The following SUPT5H variants were observed in gnomAD, a reference collection of about 807,000 sequenced individuals.
SUPT5H encodes the protein transcription elongation factor SPT5.
SUPT5H carries 24 observed loss-of-function variants against 142.5 expected under a neutral mutation model. The observed-to-expected ratio is 0.17, with a 90% CI of 0.12 to 0.24. The LOEUF (loss-of-function observed/expected upper bound fraction) is 0.24. SUPT5H is among the 10% of genes least tolerant of loss of function. SUPT5H has a pLI of 1.00. For missense variants in SUPT5H, 893 were observed against 1,471.8 expected, an observed-to-expected ratio of 0.61 and a Z score of 6.43; for synonymous variants, 546 against 553.0, an observed-to-expected ratio of 0.99 and a Z score of 0.18.
rs775612918 is a variant in SUPT5H at position 39,469,184 on chromosome 19, C to G, written c.1237+12C>G. The G allele has an allele frequency of 9.3e-6, 15 of 1,614,190 alleles. No homozygotes were observed. In the South Asian group the frequency reaches 1.6e-4, roughly 18 times the overall value. ...GACTGAGAGCACAGGTATTTGATCC[C>G]CCTCTATAACCTGGGCCAAGGAGCA... On this transcript the variant is annotated intron_variant, in intron 15 of 29. Transcript: ENST00000432763. The surrounding 1 kb of genome is among the most constrained non-coding windows in gnomAD (Gnocchi z 5.1).
At chr19:39,453,755 CGGGG>C (rs1568420032) in intron 3 of SUPT5H, among the ~76,000 whole-genome samples, 9 of 152,032 alleles carry the variant, frequency 5.9e-5, no homozygotes, top group Non-Finnish European at 1.3e-4. Flanking sequence ...TTAGTGGAGA[CGGGG>C]TTTCACCTTG....
rs1240206558 is a variant in SUPT5H at position 39,458,066 on chromosome 19, G to A, written c.308-228G>A. 16 of 784,276 alleles carry A rather than the reference G, an allele frequency of 2.0e-5. 1 individual carries two copies. Among genetic ancestry groups the A allele is most frequent in the Middle Eastern group, 3.8e-4 (1 of 2,642 alleles). 48.6% of individuals were successfully genotyped at this position (784,276 alleles called of 1,614,324 possible). On this transcript the variant is annotated intron_variant, in intron 4 of 29. Transcript: ENST00000432763. This position sits in a 1 kb window ranked among gnomAD's most constrained non-coding sequence, Gnocchi z 4.2. The stretch of plus-strand genomic sequence containing the variant: ...CCTGGGCCAGTGCCCCCCTTTCCCC[G>A]TTATTTTCCGTTCTGTGCGCCTCAT...
At position 39,470,609 on chromosome 19, in the gene SUPT5H, C is replaced by G. The variant is rs529787676; in HGVS notation, c.1677+86C>G. 9.1e-5 allele frequency: 129 copies of G among 1,418,924 alleles called. No homozygotes were observed. In the African/African-American group the frequency reaches 1.7e-3, roughly 19 times the overall value. The allele number at this position is 1,418,924 out of a possible 1,614,324, so 87.9% of individuals were successfully genotyped here. A position where few individuals can be genotyped will look rare whatever the true frequency, so the allele number is the denominator to read the frequency against. ...CCTCATCCTGGGAGGTGGCAGAGCC[C>G]CCAGACTGCTCTGGGTTGCAGATCT... On this transcript the variant is annotated intron_variant, in intron 18 of 29. Coordinates refer to ENST00000432763, the MANE Select transcript of SUPT5H (RefSeq NM_001111020.3). The surrounding 1 kb of genome is among the most constrained non-coding windows in gnomAD (Gnocchi z 5.8).
In SUPT5H at chr19:39,476,540, C is replaced by A; in HGVS notation, c.*141C>A. The stretch of plus-strand genomic sequence containing the variant: ...TTTGTTTTTCCTTTTAGTTTTCCAT[C>A]TTTTCCCTCCCTGGTGCTCATTGGA... On this transcript the variant is annotated 3_prime_UTR_variant, in exon 30 of 30. Coordinates refer to ENST00000432763, the MANE Select transcript of SUPT5H (RefSeq NM_001111020.3). 8.7e-7 allele frequency: 1 copy of A among 1,147,874 alleles called. No homozygotes were observed. Among genetic ancestry groups the A allele is most frequent in the Non-Finnish European group, 1.2e-6 (1 of 827,014 alleles). The allele number at this position is 1,147,874 out of a possible 1,614,324, so 71.1% of individuals were successfully genotyped here.
chr19:39,460,036 G>A, intron 10 of SUPT5H, 76 bp downstream of exon 10: 1 of 1,493,438 alleles, frequency 6.7e-7, no homozygotes, highest in Non-Finnish European at 9.3e-7. Context: ...AACTTCAGGG[G>A]TACCAGGTGC....
At chr19:39,450,856 C>T (rs1416125371) in intron 2 of SUPT5H, among the ~76,000 whole-genome samples, 1 of 152,130 alleles carries the variant, frequency 6.6e-6, no homozygotes, top group East Asian at 1.9e-4. Context: ...GGTGGGAGAA[C>T]AGGCCTTAGG....
chr19:39,476,606 C>T lies in SUPT5H; in HGVS notation c.*207C>T. The T allele has an allele frequency of 1.6e-6, 1 of 626,420 alleles. No individual in the cohort carries two copies. Among genetic ancestry groups the T allele is most frequent in the Non-Finnish European group, 2.7e-6 (1 of 367,242 alleles). The allele number at this position is 626,420 out of a possible 1,614,324, so 38.8% of individuals were successfully genotyped here. Reference sequence around the variant, plus strand: ...GGGGGAGGGTCCCCACCTTCCTGTACCTCCTCCCCACAGCTTGCTTTTGTT... The same window carrying T: ...GGGGGAGGGTCCCCACCTTCCTGTATCTCCTCCCCACAGCTTGCTTTTGTT... On this transcript the variant is annotated 3_prime_UTR_variant, in exon 30 of 30. Coordinates refer to ENST00000432763, the MANE Select transcript of SUPT5H (RefSeq NM_001111020.3).
rs746042365 is a variant in SUPT5H, at chr19:39,471,736, G to T, written c.1950+6G>T. ...TGCTGGCTGGGGGCTCAAAGGTGAG[G>T]TGGGCATGGCAGGACCCTGTGCGTT... On this transcript the variant is annotated splice_donor_region_variant and intron_variant, in intron 20 of 29. Transcript: ENST00000432763. The T allele has an allele frequency of 4.8e-5, 78 of 1,613,038 alleles. No individual in the cohort carries two copies. The highest frequency in any genetic ancestry group is 6.4e-5 in the Non-Finnish European group (76 of 1,179,538).
chr19:39,464,714 G>T lies in SUPT5H; in HGVS notation c.625-84G>T, dbSNP rs1006481053. ...GTTTCTGTGGAATAAATTCCTAGAA[G>T]AGGGACTGCTGATGAGTGGCAGTCA... On this transcript the variant is annotated intron_variant, in intron 10 of 29. Coordinates refer to ENST00000432763, the MANE Select transcript of SUPT5H (RefSeq NM_001111020.3). The T allele has an allele frequency of 5.3e-6, 8 of 1,508,602 alleles. No homozygotes were observed. In the African/African-American group the frequency reaches 5.6e-5, roughly 10 times the overall value. 93.5% of individuals were successfully genotyped at this position (1,508,602 alleles called of 1,614,324 possible). A position where few individuals can be genotyped will look rare whatever the true frequency, so the allele number is the denominator to read the frequency against.
intron 13 of SUPT5H, chr19:39,467,967 G>A (rs1054580550): frequency 6.6e-6 from 1 of 152,264 alleles, no homozygotes; most frequent in African/African-American, 2.4e-5. Context: ...CCCCCAGCAA[G>A]CCAGCTGACC....
intron 2 of SUPT5H, among the ~76,000 whole-genome samples, chr19:39,447,123 A>C (rs978232727): frequency 6.6e-6 from 1 of 152,184 alleles, no homozygotes; most frequent in Non-Finnish European, 1.5e-5. Context: ...TGATGGTGCC[A>C]CTGCACTGCA....
At chr19:39,465,362 G>A (rs942071328) in intron 11 of SUPT5H, among the ~76,000 whole-genome samples, 4 of 152,232 alleles carry the variant, frequency 2.6e-5, no homozygotes, top group African/African-American at 7.2e-5. Flanking sequence ...CAGGGATGGC[G>A]TGAGATGAGT....
intron 2 of SUPT5H, among the ~76,000 whole-genome samples, chr19:39,451,712 A>G (rs765011463): frequency 3.3e-5 from 5 of 152,218 alleles, no homozygotes; most frequent in Non-Finnish European, 7.4e-5. Flanking sequence ...TTGTATTTTT[A>G]GTAAAGACGG....
chr19:39,447,796 CACTT>C lies in SUPT5H; in HGVS notation c.75+1836_75+1839del, dbSNP rs1436033034. ...AGTGTTTGCATCTACTACTGTGTTC[CACTT>C]ACTTCTCAGGTGTCTGGTAGGAAAT... On this transcript the variant is annotated intron_variant, in intron 2 of 29. Transcript: ENST00000432763. 5.3e-5 allele frequency among the ~76,000 whole-genome samples: 8 copies of C among 152,082 alleles called. No individual in the cohort carries two copies. In the South Asian group the frequency reaches 8.3e-4, roughly 16 times the overall value.
In SUPT5H at chr19:39,469,033, G is replaced by T; in HGVS notation, c.1144-46G>T. 1 of 1,610,866 alleles carries T rather than the reference G, an allele frequency of 6.2e-7. No homozygotes were observed. Among genetic ancestry groups the T allele is most frequent in the South Asian group, 1.1e-5 (1 of 90,796 alleles). ...GCCCACTCAGCTGGGCTGTTGCACT[G>T]ACCTCGGTCCATTTCCTTCTCTTCC... On this transcript the variant is annotated intron_variant, in intron 14 of 29. Transcript: ENST00000432763. The surrounding 1 kb of genome is among the most constrained non-coding windows in gnomAD (Gnocchi z 5.1).
chr19:39,458,612 G>T lies in SUPT5H; in HGVS notation c.320-206G>T. ...GGAACAGCTGGAAGCCCCCCAACTT[G>T]CTGGGCCCCATCCCCAGTCTTTTTG... is the stretch of plus-strand genomic sequence containing the variant. On this transcript the variant is annotated intron_variant, in intron 5 of 29. Transcript: ENST00000432763. The surrounding 1 kb of genome is among the most constrained non-coding windows in gnomAD (Gnocchi z 4.2). 1 of 695,736 alleles carries T rather than the reference G, an allele frequency of 1.4e-6. No homozygotes were observed. The highest frequency in any genetic ancestry group is 2.4e-6 in the Non-Finnish European group (1 of 422,502). 43.1% of individuals were successfully genotyped at this position (695,736 alleles called of 1,614,324 possible).
chr19:39,459,440 C>A, intron 8 of SUPT5H, 119 bp from the exon 9 acceptor site: 1 of 1,414,824 alleles, frequency 7.1e-7, no homozygotes, highest in Non-Finnish European at 9.9e-7. Flanking sequence ...GTGGGGAAGT[C>A]AGTGAGTGTG....
At chr19:39,454,634 C>T (rs2079064447) in intron 3 of SUPT5H, among the ~76,000 whole-genome samples, 1 of 152,268 alleles carries the variant, frequency 6.6e-6, no homozygotes, top group Non-Finnish European at 1.5e-5. Context: ...GCCACCATGC[C>T]TGGCCGCACT....
At position 39,469,465 on chromosome 19, in the gene SUPT5H, G is replaced by A. The variant is rs932970993; in HGVS notation, c.1374+67G>A. On this transcript the variant is annotated intron_variant, in intron 16 of 29. Transcript: ENST00000432763. The surrounding 1 kb of genome is among the most constrained non-coding windows in gnomAD (Gnocchi z 5.1). ...GCACATCTGACTGTATGTGGCTGTC[G>A]AGGCGGTGGTGTGCCTGGTGACACC... is the stretch of plus-strand genomic sequence containing the variant. 16 of 1,603,586 alleles carry A rather than the reference G, an allele frequency of 1.0e-5. No individual in the cohort carries two copies. In the Middle Eastern group the frequency reaches 5.0e-4, roughly 50 times the overall value.
Sources: gnomAD v4.1 joint callset for allele counts (sites outside exome capture counted in the v4.1 genomes callset) on GRCh38, gnomAD v4.1.1 for gene constraint, Gnocchi (gnomAD v3.1) non-coding constraint, MANE v1.5 for transcripts, NCBI Gene and HGNC (gene_info 2026-07-23, HGNC 2026-07-21) for gene names.